The following ACOXL variants were observed in gnomAD, a reference collection of about 807,000 sequenced individuals.
ACOXL encodes the protein acyl-CoA oxidase like, also known as acyl-coenzyme A oxidase-like protein.
Under a neutral mutation model 71.9 loss-of-function variants are expected in ACOXL, and 70 were observed. The observed-to-expected ratio is 0.97, with a 90% CI of 0.80 to 1.19. ACOXL has a LOEUF of 1.19. Ranked by LOEUF, ACOXL falls within the 50% of genes most tolerant of loss-of-function variation. ACOXL has a pLI of 0.00. For missense variants in ACOXL, 703 were observed against 736.3 expected (o/e 0.95, Z 0.52); for synonymous variants, 253 against 281.6 (o/e 0.90, Z 1.02).
Position 110,854,227 on chromosome 2 carries a change from A to T in ACOXL, c.788+12822A>T, listed in dbSNP as rs1692970554. 2.0e-5 allele frequency among the ~76,000 whole-genome samples: 3 copies of T among 152,192 alleles called. No homozygotes were observed. In the South Asian group the frequency reaches 6.2e-4, roughly 31 times the overall value. On this transcript the variant is annotated intron_variant, in intron 10 of 17. Coordinates refer to ENST00000439055, the MANE Select transcript of ACOXL (RefSeq NM_001142807.4). ...TTCTGAGGGGAAGAAGAGAGGGGGA[A>T]GAAGAGATTTGCAGGCACACAGTGG...
At chr2:111,113,364 G>A (rs2070125607) in intron 17 of ACOXL, among the ~76,000 whole-genome samples, 1 of 152,134 alleles carries the variant, frequency 6.6e-6, no homozygotes. Flanking sequence ...CTGTAATCTG[G>A]CACACAGTAG....
intron 7 of ACOXL, among the ~76,000 whole-genome samples, chr2:110,799,544 T>A (rs952407900): frequency 6.6e-6 from 1 of 152,148 alleles, no homozygotes; most frequent in Admixed American, 6.5e-5. Flanking sequence ...ACTGTGGGGC[T>A]TAAACAACAG....
At chr2:110,923,219 C>A (rs1226684954) in intron 11 of ACOXL, among the ~76,000 whole-genome samples, 2 of 152,198 alleles carry the variant, frequency 1.3e-5, no homozygotes, top group African/African-American at 4.8e-5. Context: ...GTCCCTGCTA[C>A]CTCTTCTCCA....
intron 2 of ACOXL, among the ~76,000 whole-genome samples, chr2:110,769,152 G>T (rs1166438223): frequency 6.6e-6 from 1 of 151,344 alleles, no homozygotes; most frequent in African/African-American, 2.4e-5. Context: ...CTTATCCAAA[G>T]TTTATGTCTT....
At chr2:110,978,629 G>A (rs1221907137) in intron 12 of ACOXL, among the ~76,000 whole-genome samples, 3 of 152,152 alleles carry the variant, frequency 2.0e-5, no homozygotes, top group African/African-American at 7.2e-5. Flanking sequence ...AGTTTTGCTT[G>A]TATTTAATTT....
Position 110,805,295 on chromosome 2 carries a change from A to G in ACOXL, c.653A>G (p.His218Arg). The change falls in exon 9 of 18, where the codon CAT (histidine) becomes CGT (arginine). Residue 218 changes from histidine (H) to arginine (R), a missense_variant. Coordinates refer to ENST00000439055, the MANE Select transcript of ACOXL (RefSeq NM_001142807.4). ...TCCGTGGCTCCAGATGGACAGTACC[A>G]TTCGCCTATTAGGAACAAGAGTGCA... ...FGSVAPDGQY[H>R]SPIRNKSARF... The G allele has an allele frequency of 1.9e-6, 3 of 1,614,222 alleles. No homozygotes were observed. Among genetic ancestry groups the G allele is most frequent in the African/African-American group, 1.3e-5 (1 of 75,052 alleles).
intron 10 of ACOXL, among the ~76,000 whole-genome samples, chr2:110,846,641 G>GCGCGCGCACA (rs148602789): frequency 1.3e-3 from 179 of 138,034 alleles, no homozygotes; most frequent in African/African-American, 4.7e-3. Context: ...ATGCATACAC[G>GCGCGCGCACA]CACACACACA....
chr2:111,117,687 C>G lies in ACOXL; in HGVS notation c.1614C>G (p.Thr538=). Reference sequence around the variant, plus strand: ...TCTCGACCTTTAACATTCCACACACCTACCTCCACGCACCAATCGCCGGAA... The same window carrying G: ...TCTCGACCTTTAACATTCCACACACGTACCTCCACGCACCAATCGCCGGAA... ...RVISTFNIPH[T]YLHAPIAGIS... is the part of the protein sequence containing the mutation. Residue 538 remains threonine, a synonymous_variant, in exon 18 of 18, where the codon ACC becomes ACG. Coordinates refer to ENST00000439055, the MANE Select transcript of ACOXL (RefSeq NM_001142807.4). 1 of 1,551,774 alleles carries G rather than the reference C, an allele frequency of 6.4e-7. No homozygotes were observed. Among genetic ancestry groups the G allele is most frequent in the South Asian group, 1.2e-5 (1 of 84,066 alleles).
At chr2:111,029,797 C>T (rs540783838) in intron 14 of ACOXL, among the ~76,000 whole-genome samples, 1 of 152,318 alleles carries the variant, frequency 6.6e-6, no homozygotes, top group African/African-American at 2.4e-5. Flanking sequence ...TAAGGAAGAG[C>T]ACTTGGGAGC....
intron 15 of ACOXL, among the ~76,000 whole-genome samples, chr2:111,035,397 G>C (rs1558895273): frequency 6.6e-6 from 1 of 152,098 alleles, no homozygotes; most frequent in African/African-American, 2.4e-5. Context: ...TTTTTGTCTT[G>C]CCCTAGAAAG....
intron 10 of ACOXL, among the ~76,000 whole-genome samples, chr2:110,878,403 G>A (rs1454680226): frequency 1.3e-5 from 2 of 152,230 alleles, no homozygotes; most frequent in Admixed American, 1.3e-4. Context: ...AAATATTCAA[G>A]AGGAGTTAGG....
intron 15 of ACOXL, among the ~76,000 whole-genome samples, chr2:111,033,060 G>A (rs927850421): frequency 6.6e-6 from 1 of 152,192 alleles, no homozygotes; most frequent in South Asian, 2.1e-4. Flanking sequence ...ACGGGAAGCA[G>A]GGGCCCCATG....
intron 1 of ACOXL, among the ~76,000 whole-genome samples, chr2:110,763,005 G>A (rs1680599753): frequency 6.6e-6 from 1 of 151,948 alleles, no homozygotes; most frequent in South Asian, 2.1e-4. Context: ...CACATCAGAT[G>A]GTTTTATAAT....
At chr2:110,831,365 TGC>T (rs1689802477) in intron 9 of ACOXL, among the ~76,000 whole-genome samples, 1 of 152,160 alleles carries the variant, frequency 6.6e-6, no homozygotes, top group Admixed American at 6.5e-5. Context: ...AAAATATAAT[TGC>T]TCAAAAAATA....
intron 1 of ACOXL, among the ~76,000 whole-genome samples, chr2:110,740,430 C>T (rs1677375108): frequency 6.6e-6 from 1 of 152,208 alleles, no homozygotes; most frequent in Non-Finnish European, 1.5e-5. Context: ...GGAGCTTCTG[C>T]AGCACATGAA....
intron 5 of ACOXL, among the ~76,000 whole-genome samples, chr2:110,794,604 T>C (rs963966727): frequency 1.3e-5 from 2 of 152,202 alleles, no homozygotes; most frequent in African/African-American, 4.8e-5. Flanking sequence ...TATCAGGAGC[T>C]GAGTCTTCTG....
At chr2:110,735,985 A>G (rs1312107722) in intron 1 of ACOXL, among the ~76,000 whole-genome samples, 2 of 150,646 alleles carry the variant, frequency 1.3e-5, no homozygotes, top group South Asian at 4.2e-4. Context: ...GCCTTCTCAC[A>G]CCCTTCTTCT....
chr2:110,743,234 A>C (rs949162523), intron 1 of ACOXL, among the ~76,000 whole-genome samples: 3 of 152,236 alleles, frequency 2.0e-5, no homozygotes, highest in Non-Finnish European at 4.4e-5. Flanking sequence ...TCAACTATGT[A>C]ATACCAATAC....
At chr2:111,111,673 T>C (rs2069975348) in intron 17 of ACOXL, among the ~76,000 whole-genome samples, 1 of 152,248 alleles carries the variant, frequency 6.6e-6, no homozygotes, top group African/African-American at 2.4e-5. Flanking sequence ...GTGGTTAATG[T>C]TGATGCCTCT....
Sources: allele counts gnomAD v4.1 joint callset (sites outside exome capture counted in the v4.1 genomes callset), GRCh38; gene constraint gnomAD v4.1.1; transcripts MANE v1.5; gene names NCBI Gene and HGNC (gene_info 2026-07-23, HGNC 2026-07-21).